PLXNA2: variants seen among roughly 807,000 people sequenced by gnomAD.
The protein encoded by PLXNA2 is plexin-A2.
PLXNA2 carries 91 observed loss-of-function variants against 193.5 expected under a neutral mutation model. That is an observed-to-expected ratio of 0.47 (90% CI 0.40 to 0.56). PLXNA2 has a LOEUF of 0.56. PLXNA2 is among the 20% of genes least tolerant of loss of function. The pLI, the probability that PLXNA2 is intolerant of heterozygous loss-of-function variation, is 0.00. For missense variants in PLXNA2, 1,995 were observed against 2,503.2 expected, an observed-to-expected ratio of 0.80 and a Z score of 4.33; for synonymous variants, 997 against 1,027.3, an observed-to-expected ratio of 0.97 and a Z score of 0.56.
chr1:208,123,935 G>A (rs1179970989), intron 4 of PLXNA2, among the ~76,000 whole-genome samples: 1 of 152,090 alleles, frequency 6.6e-6, no homozygotes, highest in African/African-American at 2.4e-5. Flanking sequence ...GGAATGACCA[G>A]GTATCTATTC....
intron 3 of PLXNA2, among the ~76,000 whole-genome samples, chr1:208,209,689 T>A (rs991400273): frequency 1.3e-5 from 2 of 152,124 alleles, no homozygotes. Context: ...TACTTCCACC[T>A]GGCAGCTTAC....
chr1:208,152,287 A>C (rs768875255), intron 3 of PLXNA2, among the ~76,000 whole-genome samples: 3 of 151,920 alleles, frequency 2.0e-5, no homozygotes, highest in Non-Finnish European at 2.9e-5. Flanking sequence ...CACACGTGGC[A>C]TGTGCCCACC....
chr1:208,093,063 T>C (rs115916718), intron 8 of PLXNA2, among the ~76,000 whole-genome samples, 163 bp from the exon 9 acceptor site: 196 of 152,304 alleles, frequency 1.3e-3, no homozygotes, highest in African/African-American at 4.5e-3. Context: ...GGATTCTCCA[T>C]CCATGATATT....
At chr1:208,117,102 T>C (rs181659499) in intron 4 of PLXNA2, among the ~76,000 whole-genome samples, 6 of 151,466 alleles carry the variant, frequency 4.0e-5, no homozygotes, top group Non-Finnish European at 7.4e-5. Flanking sequence ...ACCTGGGAGG[T>C]GGAGGTTGCA....
intron 12 of PLXNA2, among the ~76,000 whole-genome samples, chr1:208,075,097 G>C (rs774692713): frequency 6.6e-6 from 1 of 152,184 alleles, no homozygotes; most frequent in Non-Finnish European, 1.5e-5. Flanking sequence ...GATCACCTGA[G>C]GTCAGGAGTT....
At chr1:208,055,385 C>CT (rs1440188832) in intron 13 of PLXNA2, among the ~76,000 whole-genome samples, 1 of 152,108 alleles carries the variant, frequency 6.6e-6, no homozygotes, top group Non-Finnish European at 1.5e-5. Context: ...CCACGGTACC[C>CT]TTCTAGAAAG....
rs1163777338 is a variant in PLXNA2, at chr1:208,156,810, A to G, written c.1372-14347T>C. Reference sequence around the variant, plus strand: ...TGCCAAGCATGACAGGGTGCTTAAAAATTGCATTCTATACTTGAATCAAGT... The same window carrying G: ...TGCCAAGCATGACAGGGTGCTTAAAGATTGCATTCTATACTTGAATCAAGT... On this transcript the variant is annotated intron_variant, in intron 3 of 31. Transcript: ENST00000367033. 2.0e-5 allele frequency among the ~76,000 whole-genome samples: 3 copies of G among 152,260 alleles called. No homozygotes were observed. The East Asian group carries it at 5.8e-4, about 29-fold the overall frequency.
At chr1:208,086,004 C>A (rs967248533) in intron 9 of PLXNA2, among the ~76,000 whole-genome samples, 1 of 152,112 alleles carries the variant, frequency 6.6e-6, no homozygotes, top group African/African-American at 2.4e-5. Flanking sequence ...TAATTGATTA[C>A]CTCTTAATCA....
chr1:208,148,488 T>G (rs1418917647), intron 3 of PLXNA2, among the ~76,000 whole-genome samples: 1 of 152,210 alleles, frequency 6.6e-6, no homozygotes, highest in African/African-American at 2.4e-5. Context: ...TAATAGTTTC[T>G]GTAGCTGTCC....
In PLXNA2 at chr1:208,023,884, A is replaced by T. The variant is rs1664263049; in HGVS notation, c.*3359T>A. 1 of 152,304 alleles carries T rather than the reference A, an allele frequency of 6.6e-6. No individual in the cohort carries two copies. Among genetic ancestry groups the T allele is most frequent in the Admixed American group, 6.5e-5 (1 of 15,288 alleles). The allele number at this position is 152,304 out of a possible 1,614,324, so 9.4% of individuals were successfully genotyped here. On this transcript the variant is annotated 3_prime_UTR_variant, in exon 32 of 32. Transcript: ENST00000367033. Reference sequence around the variant, plus strand: ...GGAAACAGTTCCCTCCTCCAATGAGATTAACAGCTGATCCATGCTTTTAAT... The same window carrying T: ...GGAAACAGTTCCCTCCTCCAATGAGTTTAACAGCTGATCCATGCTTTTAAT...
intron 4 of PLXNA2, among the ~76,000 whole-genome samples, chr1:208,106,132 C>A (rs1571922597): frequency 6.7e-6 from 1 of 149,332 alleles, no homozygotes; most frequent in East Asian, 2.0e-4. Flanking sequence ...TGTAAGTTGG[C>A]AGGGGTGGAG....
intron 3 of PLXNA2, among the ~76,000 whole-genome samples, chr1:208,165,720 A>T (rs1317530564): frequency 6.6e-6 from 1 of 152,208 alleles, no homozygotes; most frequent in Non-Finnish European, 1.5e-5. Flanking sequence ...CAGGACCAGA[A>T]GGCAGCTTGA....
chr1:208,133,474 G>A (rs1242509363), intron 4 of PLXNA2, among the ~76,000 whole-genome samples: 1 of 152,198 alleles, frequency 6.6e-6, no homozygotes, highest in Non-Finnish European at 1.5e-5. Context: ...TTTAGAAGGA[G>A]ACTTTTGCTG....
At chr1:208,206,114 A>G (rs1239072944) in intron 3 of PLXNA2, among the ~76,000 whole-genome samples, 1 of 152,212 alleles carries the variant, frequency 6.6e-6, no homozygotes, top group Non-Finnish European at 1.5e-5. Context: ...GACACATAAT[A>G]AGTGCTCAGT....
At chr1:208,160,171 T>C (rs980045541) in intron 3 of PLXNA2, among the ~76,000 whole-genome samples, 2 of 152,076 alleles carry the variant, frequency 1.3e-5, no homozygotes, top group African/African-American at 4.8e-5. Flanking sequence ...CAGAGATAGA[T>C]AGCATGTTTT....
intron 1 of PLXNA2, among the ~76,000 whole-genome samples, chr1:208,235,859 G>A (rs1671835615): frequency 6.6e-6 from 1 of 152,168 alleles, no homozygotes; most frequent in East Asian, 1.9e-4. Context: ...TTGACCCCCT[G>A]TGGGTCACTC....
intron 3 of PLXNA2, among the ~76,000 whole-genome samples, chr1:208,166,441 G>A (rs896416263): frequency 3.9e-5 from 6 of 152,244 alleles, no homozygotes; most frequent in Non-Finnish European, 8.8e-5. Context: ...GATCCAATAA[G>A]GAAGGCATTC....
chr1:208,130,905 G>A (rs1668127917), intron 4 of PLXNA2, among the ~76,000 whole-genome samples: 1 of 152,228 alleles, frequency 6.6e-6, no homozygotes, highest in Non-Finnish European at 1.5e-5. Context: ...TTCTGTAAAT[G>A]AGTACAGCTG....
At chr1:208,158,812 T>A (rs1669015317) in intron 3 of PLXNA2, among the ~76,000 whole-genome samples, 1 of 152,216 alleles carries the variant, frequency 6.6e-6, no homozygotes, top group Non-Finnish European at 1.5e-5. Flanking sequence ...AGGGCCTGAT[T>A]CCCTACAGGT....
Sources: gnomAD v4.1 joint callset for allele counts (sites outside exome capture counted in the v4.1 genomes callset) on GRCh38, gnomAD v4.1.1 for gene constraint, MANE v1.5 for transcripts, NCBI Gene and HGNC (gene_info 2026-07-23, HGNC 2026-07-21) for gene names.